STXBP4: variants seen among roughly 807,000 people sequenced by gnomAD.
STXBP4 encodes the protein syntaxin binding protein 4, also known as syntaxin-binding protein 4.
In STXBP4, 55 loss-of-function variants were observed where a neutral mutation model predicts 76.1. That is an observed-to-expected ratio of 0.72 (90% CI 0.58 to 0.91). The LOEUF (loss-of-function observed/expected upper bound fraction) is 0.91. Among genes scored for constraint, STXBP4 ranks in the 40% least tolerant of loss-of-function variants. The pLI, the probability that STXBP4 is intolerant of heterozygous loss-of-function variation, is 0.00. For missense variants in STXBP4, 618 were observed against 636.9 expected, an observed-to-expected ratio of 0.97 and a Z score of 0.32; for synonymous variants, 201 against 220.2, an observed-to-expected ratio of 0.91 and a Z score of 0.77.
the STXBP4 span, among the ~76,000 whole-genome samples, chr17:55,208,573 G>GGAA: frequency 3.5e-5 from 2 of 57,570 alleles, no homozygotes; most frequent in South Asian, 1.6e-3. Flanking sequence ...AAGGGAGGGA[G>GGAA]GGAAGAAGGA....
intron 1 of STXBP4, among the ~76,000 whole-genome samples, chr17:54,983,177 G>A (rs1448861529): frequency 6.6e-6 from 1 of 152,170 alleles, no homozygotes; most frequent in Non-Finnish European, 1.5e-5. Flanking sequence ...CATACTCCCT[G>A]TGTATACTGC....
intron 7 of STXBP4, among the ~76,000 whole-genome samples, chr17:55,001,727 G>A (rs1172652018): frequency 1.3e-5 from 2 of 151,936 alleles, no homozygotes; most frequent in Non-Finnish European, 2.9e-5. Context: ...CCGCCTCCTG[G>A]GTTCACGCCA....
At chr17:54,982,684 C>A (rs2077567571) in intron 1 of STXBP4, among the ~76,000 whole-genome samples, 1 of 151,138 alleles carries the variant, frequency 6.6e-6, no homozygotes, top group Admixed American at 6.6e-5. Context: ...GAGGGCCTTG[C>A]AAGTTTGTAT....
At chr17:55,033,331 G>A (rs1236907411) in intron 9 of STXBP4, among the ~76,000 whole-genome samples, 1 of 151,954 alleles carries the variant, frequency 6.6e-6, no homozygotes, top group Non-Finnish European at 1.5e-5. Context: ...CCAAGATCGT[G>A]CCACTGCACT....
At chr17:54,993,610 T>G (rs2077753041) in intron 4 of STXBP4, among the ~76,000 whole-genome samples, 1 of 152,236 alleles carries the variant, frequency 6.6e-6, no homozygotes, top group East Asian at 1.9e-4. Context: ...CAACAATGTA[T>G]TAATACATTT....
chr17:54,989,330 C>T (rs546967538), intron 3 of STXBP4, among the ~76,000 whole-genome samples: 4 of 152,232 alleles, frequency 2.6e-5, no homozygotes, highest in South Asian at 2.1e-4. Context: ...CTCCTGACCT[C>T]GTGATCCGCC....
intron 8 of STXBP4, among the ~76,000 whole-genome samples, chr17:55,009,669 T>C (rs1388862810): frequency 6.6e-6 from 1 of 152,180 alleles, no homozygotes; most frequent in East Asian, 1.9e-4. Flanking sequence ...CCACATTTGA[T>C]ATAAATTCAG....
intron 17 of STXBP4, among the ~76,000 whole-genome samples, chr17:55,153,598 A>G (rs1219931692): frequency 3.9e-5 from 6 of 152,180 alleles, no homozygotes; most frequent in African/African-American, 9.6e-5. Context: ...TAAGGTTTTA[A>G]ATTTGTTAAT....
At chr17:54,981,543 A>G (rs1486864270) in intron 1 of STXBP4, among the ~76,000 whole-genome samples, 1 of 152,134 alleles carries the variant, frequency 6.6e-6, no homozygotes, top group Non-Finnish European at 1.5e-5. Flanking sequence ...TATGAGTTGG[A>G]TCTGTGCTTT....
chr17:55,104,265 T>C (rs1229295339), intron 16 of STXBP4, among the ~76,000 whole-genome samples: 1 of 152,196 alleles, frequency 6.6e-6, no homozygotes, highest in Non-Finnish European at 1.5e-5. Context: ...TGTGGGTCTG[T>C]CATAAATAGC....
chr17:54,982,447 T>C (rs1430574378), intron 1 of STXBP4, among the ~76,000 whole-genome samples: 2 of 152,200 alleles, frequency 1.3e-5, no homozygotes, highest in African/African-American at 2.4e-5. Context: ...AATGTTCCAC[T>C]TTCTCTGTTT....
chr17:55,026,709 A>G (rs1402265319), intron 8 of STXBP4, among the ~76,000 whole-genome samples: 1 of 152,200 alleles, frequency 6.6e-6, no homozygotes, highest in Non-Finnish European at 1.5e-5. Flanking sequence ...GGAAGCTATT[A>G]CTGATTCTAT....
At chr17:55,158,224 G>A (rs961186727) in intron 17 of STXBP4, among the ~76,000 whole-genome samples, 1 of 152,130 alleles carries the variant, frequency 6.6e-6, no homozygotes, top group Non-Finnish European at 1.5e-5. Flanking sequence ...GAGCCACTGT[G>A]CCAGGCTATT....
intron 1 of STXBP4, among the ~76,000 whole-genome samples, chr17:54,979,809 G>A (rs976774526): frequency 2.0e-5 from 3 of 152,032 alleles, no homozygotes; most frequent in African/African-American, 7.2e-5. Flanking sequence ...CTTTCCTTCT[G>A]GTGATCATTT....
At position 55,170,932 on chromosome 17, in the gene STXBP4, G is replaced by C. The variant is rs773761281; in HGVS notation, c.*11021G>C. On this transcript the variant is annotated 3_prime_UTR_variant, in exon 18 of 18. Coordinates refer to ENST00000376352, the MANE Select transcript of STXBP4 (RefSeq NM_178509.6). ...CTGGGGAGGGCCAAGTTTCATGACAGAGAAAGACTGGGGCCAATTCTGTGA... is the reference window on the plus strand; with the variant it reads ...CTGGGGAGGGCCAAGTTTCATGACACAGAAAGACTGGGGCCAATTCTGTGA... The C allele has an allele frequency of 6.6e-6, 1 of 152,206 alleles. No homozygotes were observed. Among genetic ancestry groups the C allele is most frequent in the Non-Finnish European group, 1.5e-5 (1 of 68,046 alleles). 9.4% of individuals were successfully genotyped at this position (152,206 alleles called of 1,614,324 possible).
chr17:55,092,962 A>G (rs1344741713), intron 16 of STXBP4, among the ~76,000 whole-genome samples: 1 of 149,340 alleles, frequency 6.7e-6, no homozygotes, highest in African/African-American at 2.5e-5. Flanking sequence ...AAACAAAAAA[A>G]CATTTTTTTT....
Position 55,164,438 on chromosome 17 carries a change from C to CTTTTTTTTTTTTTTTTTTTTTT in STXBP4, c.*4529_*4550dup, listed in dbSNP as rs11372599. The CTTTTTTTTTTTTTTTTTTTTTT allele has an allele frequency of 1.2e-5, 1 of 86,660 alleles. No individual in the cohort carries two copies. The highest frequency in any genetic ancestry group is 2.1e-5 in the Non-Finnish European group (1 of 47,430). 5.4% of individuals were successfully genotyped at this position (86,660 alleles called of 1,614,324 possible). A position where few individuals can be genotyped will look rare whatever the true frequency, so the allele number is the denominator to read the frequency against. Reference sequence around the variant, plus strand: ...CTATATCACTCTACCCTGTTTATTTCTTTTTTTTTTTTTTTTTTTTTTTGA... The same window carrying CTTTTTTTTTTTTTTTTTTTTTT: ...CTATATCACTCTACCCTGTTTATTTCTTTTTTTTTTTTTTTTTTTTTTTTTTTTTTTTTTTTTTTTTTTTTGA... On this transcript the variant is annotated 3_prime_UTR_variant, in exon 18 of 18. Coordinates refer to ENST00000376352, the MANE Select transcript of STXBP4 (RefSeq NM_178509.6).
intron 16 of STXBP4, among the ~76,000 whole-genome samples, chr17:55,138,921 A>C (rs547510393): frequency 1.3e-5 from 2 of 152,214 alleles, no homozygotes; most frequent in African/African-American, 2.4e-5. Context: ...AATTACTATC[A>C]TTTTAGTCTC....
At chr17:55,181,092 A>C in the STXBP4 span, among the ~76,000 whole-genome samples, 1 of 152,162 alleles carries the variant, frequency 6.6e-6, no homozygotes, top group Non-Finnish European at 1.5e-5. Context: ...CACACTAGCA[A>C]CCTATGCTTC....
Sources: gnomAD v4.1 joint callset for allele counts (sites outside exome capture counted in the v4.1 genomes callset) on GRCh38, gnomAD v4.1.1 for gene constraint, MANE v1.5 for transcripts, NCBI Gene and HGNC (gene_info 2026-07-23, HGNC 2026-07-21) for gene names.